Variants in ZNF7 observed in about 807,000 individuals in gnomAD.
The protein encoded by ZNF7 is zinc finger protein 7.
In ZNF7, 10 loss-of-function variants were observed where a neutral mutation model predicts 12.0. The observed-to-expected ratio is 0.83, with a 90% CI of 0.51 to 1.42. The LOEUF is 1.42. ZNF7 is among the 40% of genes most tolerant of loss of function. The pLI is 0.00. For missense variants in ZNF7, 854 were observed against 837.2 expected (o/e 1.02, Z -0.25); for synonymous variants, 334 against 295.0 (o/e 1.13, Z -1.35).
intron 1 of ZNF7, 109 bp downstream of exon 1, chr8:144,827,718 C>A: frequency 3.1e-6 from 3 of 978,378 alleles, no homozygotes; most frequent in Non-Finnish European, 3.6e-6. Context: ...GTCCCCCGGG[C>A]CTCCAGGCGG....
At chr8:144,844,329 CTGA>C (rs1586850311), downstream of ZNF7, among the ~76,000 whole-genome samples, 1 of 152,190 alleles carries the variant, frequency 6.6e-6, no homozygotes, top group South Asian at 2.1e-4. Context: ...GGCCCTGAGG[CTGA>C]TGACTGTCTT....
At chr8:144,840,750 G>C (rs573284604) in intron 4 of ZNF7, among the ~76,000 whole-genome samples, 61 of 152,284 alleles carry the variant, frequency 4.0e-4, no homozygotes, top group South Asian at 1.2e-3. Flanking sequence ...GGGAGAAGCA[G>C]GGGAGGTGGC....
intron 3 of ZNF7, among the ~76,000 whole-genome samples, chr8:144,833,043 C>T (rs550994398): frequency 6.6e-6 from 1 of 152,054 alleles, no homozygotes; most frequent in South Asian, 2.1e-4. Context: ...ACTAAAAATA[C>T]AAAAATTAGC....
At chr8:144,830,516 GTTGT>G (rs1372738197) in intron 3 of ZNF7, among the ~76,000 whole-genome samples, 2 of 152,178 alleles carry the variant, frequency 1.3e-5, no homozygotes, top group African/African-American at 2.4e-5. Flanking sequence ...CTTTGAAGGT[GTTGT>G]TTCTTCATTC....
chr8:144,843,243 T>C lies in ZNF7; in HGVS notation c.*75T>C. 3.4e-6 allele frequency: 5 copies of C among 1,449,698 alleles called. No individual in the cohort carries two copies. The highest frequency in any genetic ancestry group is 4.6e-6 in the Non-Finnish European group (5 of 1,081,440). The allele number at this position is 1,449,698 out of a possible 1,614,324, so 89.8% of individuals were successfully genotyped here. A position where few individuals can be genotyped will look rare whatever the true frequency, so the allele number is the denominator to read the frequency against. ...CTTACTTATTTTATATGGAATCGTT[T>C]ATACTGACAAACATGTAGAATGTTG... On this transcript the variant is annotated 3_prime_UTR_variant, in exon 5 of 5. Coordinates refer to ENST00000532777, the MANE Select transcript of ZNF7 (RefSeq NM_003416.4).
In ZNF7 at chr8:144,827,726, C is replaced by T. The variant is rs1461797742; in HGVS notation, c.-46+117C>T. 3 of 966,446 alleles carry T rather than the reference C, an allele frequency of 3.1e-6. No homozygotes were observed. The South Asian group carries it at 1.4e-4, about 46-fold the overall frequency. The allele number at this position is 966,446 out of a possible 1,614,324, so 59.9% of individuals were successfully genotyped here. A position where few individuals can be genotyped will look rare whatever the true frequency, so the allele number is the denominator to read the frequency against. Reference sequence around the variant, plus strand: ...TCCCCGCGTCCCCCGGGCCTCCAGGCGGGAAAGCGCGGGGGCTTTGCGGGG... The same window carrying T: ...TCCCCGCGTCCCCCGGGCCTCCAGGTGGGAAAGCGCGGGGGCTTTGCGGGG... On this transcript the variant is annotated intron_variant, in intron 1 of 4. Coordinates refer to ENST00000532777, the MANE Select transcript of ZNF7 (RefSeq NM_003416.4).
At chr8:144,833,469 A>C (rs942823688) in intron 3 of ZNF7, among the ~76,000 whole-genome samples, 1 of 152,002 alleles carries the variant, frequency 6.6e-6, no homozygotes, top group Non-Finnish European at 1.5e-5. Context: ...CCCAGGTTCA[A>C]GCAATTCTTG....
downstream of ZNF7, chr8:144,845,846 G>A (rs764922670): frequency 3.3e-5 from 27 of 815,152 alleles, no homozygotes; most frequent in Middle Eastern, 3.6e-4. Context: ...TTCTGTGCAC[G>A]TGGAGTATGT....
downstream of ZNF7, among the ~76,000 whole-genome samples, chr8:144,844,709 C>CA (rs71320849): frequency 4.2e-3 from 371 of 88,574 alleles, 23 homozygotes; most frequent in Non-Finnish European, 5.1e-3. Context: ...GACTCTGTAT[C>CA]AAAAAAAAAA....
chr8:144,842,188 C>T lies in ZNF7; in HGVS notation c.1081C>T (p.Pro361Ser), dbSNP rs1423479446. The T allele has an allele frequency of 1.2e-6, 2 of 1,613,994 alleles. No homozygotes were observed. Among genetic ancestry groups the T allele is most frequent in the Non-Finnish European group, 1.7e-6 (2 of 1,180,020 alleles). Reference sequence around the variant, plus strand: ...CCAGAGAACTCACACTGGGGAGAGGCCCTACCCTTGCAAGGAGTGTGGGAA... The same window carrying T: ...CCAGAGAACTCACACTGGGGAGAGGTCCTACCCTTGCAAGGAGTGTGGGAA... ...RHQRTHTGERPYPCKECGKAF... is the reference protein window; with the variant it reads ...RHQRTHTGERSYPCKECGKAF... Residue 361 changes from proline to serine, a missense_variant, in exon 5 of 5, where the codon CCC becomes TCC. Physicochemically the swap from Pro to Ser is moderately conservative, Grantham distance 74. Transcript: ENST00000532777.
chr8:144,843,314 G>A lies in ZNF7; in HGVS notation c.*146G>A. The A allele has an allele frequency of 1.9e-6, 2 of 1,070,858 alleles. No homozygotes were observed. The highest frequency in any genetic ancestry group is 1.3e-6 in the Non-Finnish European group (1 of 770,224). The allele number at this position is 1,070,858 out of a possible 1,614,324, so 66.3% of individuals were successfully genotyped here. A position where few individuals can be genotyped will look rare whatever the true frequency, so the allele number is the denominator to read the frequency against. ...TCAAGAATATCCAACTTCAGGCCGA[G>A]TGTGGTGGCTTATGCCTGTCATCCC... On this transcript the variant is annotated 3_prime_UTR_variant, in exon 5 of 5. Coordinates refer to ENST00000532777, the MANE Select transcript of ZNF7 (RefSeq NM_003416.4).
intron 3 of ZNF7, among the ~76,000 whole-genome samples, chr8:144,830,308 C>G (rs112474748): frequency 6.6e-6 from 1 of 152,310 alleles, no homozygotes; most frequent in African/African-American, 2.4e-5. Flanking sequence ...TCTGTCCCGG[C>G]TAGTCTGGCA....
intron 4 of ZNF7, 136 bp downstream of exon 4, chr8:144,837,643 A>G (rs751045222): frequency 7.9e-6 from 5 of 629,082 alleles, no homozygotes; most frequent in Non-Finnish European, 1.4e-5. Flanking sequence ...GGGAAGCAGC[A>G]TCCAGCACCT....
chr8:144,835,130 T>C (rs1236812699), intron 3 of ZNF7: 1 of 152,150 alleles, frequency 6.6e-6, no homozygotes, highest in African/African-American at 2.4e-5. Context: ...GTGGAGCTAA[T>C]CTGTAAAACC....
chr8:144,832,423 C>T lies in ZNF7; in HGVS notation c.130+2819C>T, dbSNP rs1478298610. On this transcript the variant is annotated intron_variant, in intron 3 of 4. Coordinates refer to ENST00000532777, the MANE Select transcript of ZNF7 (RefSeq NM_003416.4). ...GGGTGACAGAGCGAGACTCTATCTC[C>T]AAAAAAAAAAAAAGTTCTTCCCTGG... is the stretch of plus-strand genomic sequence containing the variant. Among the ~76,000 whole-genome samples, 2 of 36,114 alleles carry T rather than the reference C, an allele frequency of 5.5e-5. 1 individual carries two copies. The highest frequency in any genetic ancestry group is 1.8e-4 in the Non-Finnish European group (2 of 10,948). The allele number at this position is 36,114 out of a possible 152,430, so 23.7% of individuals were successfully genotyped here. A position where few individuals can be genotyped will look rare whatever the true frequency, so the allele number is the denominator to read the frequency against.
intron 2 of ZNF7, 49 bp from the exon 3 acceptor site, chr8:144,829,429 G>C (rs1323941707): frequency 6.2e-7 from 1 of 1,610,962 alleles, no homozygotes; most frequent in Non-Finnish European, 8.5e-7. Context: ...AGCGCCAGAA[G>C]GGGGCTGGCA....
At chr8:144,837,914 T>C (rs1586814182) in intron 4 of ZNF7, 3 of 610,244 alleles carry the variant, frequency 4.9e-6, no homozygotes, top group Middle Eastern at 3.8e-4. Context: ...TCAGACCCTC[T>C]CAGGCTCCAG....
chr8:144,836,679 CCT>C (rs1829036000), intron 3 of ZNF7: 1 of 152,476 alleles, frequency 6.6e-6, no homozygotes, highest in East Asian at 1.9e-4. Context: ...TCTCTGCCTG[CCT>C]CTTTCCTTCC....
rs914898868 is a variant in ZNF7, at chr8:144,841,239, T to G, written c.248-116T>G. The G allele has an allele frequency of 6.6e-6, 7 of 1,067,202 alleles. No homozygotes were observed. In the African/African-American group the frequency reaches 7.9e-5, roughly 12 times the overall value. 66.1% of individuals were successfully genotyped at this position (1,067,202 alleles called of 1,614,324 possible). On this transcript the variant is annotated intron_variant, in intron 4 of 4. Coordinates refer to ENST00000532777, the MANE Select transcript of ZNF7 (RefSeq NM_003416.4). The stretch of plus-strand genomic sequence containing the variant: ...CTCTTGCACGTTTCCACCTGGGGCC[T>G]CACAGTGCTCAGTGCAACTATCCTG...
Sources: gnomAD v4.1 joint callset for allele counts (sites outside exome capture counted in the v4.1 genomes callset) on GRCh38, gnomAD v4.1.1 for gene constraint, MANE v1.5 for transcripts, NCBI Gene and HGNC (gene_info 2026-07-23, HGNC 2026-07-21) for gene names.